Variants in THAP4 observed in about 807,000 individuals in gnomAD.
THAP4 encodes THAP domain containing 4.
A neutral mutation model predicts 48.1 loss-of-function variants in THAP4; 18 were observed. The ratio of observed to expected loss-of-function variants is 0.37; its 90% confidence interval spans 0.26 to 0.56. The LOEUF (loss-of-function observed/expected upper bound fraction) is 0.56. THAP4 is among the 20% of genes least tolerant of loss of function. The pLI is 0.78. For missense variants in THAP4, 656 were observed against 774.9 expected (o/e 0.85, Z 1.82); for synonymous variants, 345 against 324.9 (o/e 1.06, Z -0.66).
intron 5 of THAP4, among the ~76,000 whole-genome samples, chr2:241,586,615 T>A (rs1039824657): frequency 6.6e-6 from 1 of 151,770 alleles, no homozygotes; most frequent in African/African-American, 2.4e-5. Context: ...AATACTGGAG[T>A]TATTAGAAGA....
chr2:241,585,057 A>G, intron 5 of THAP4: 1 of 259,986 alleles, frequency 3.8e-6, no homozygotes, highest in South Asian at 5.3e-5. Context: ...TGGATGGGAG[A>G]AGTCACCTTT....
At chr2:241,591,940 A>G (rs1364370646) in intron 5 of THAP4, 1 of 152,248 alleles carries the variant, frequency 6.6e-6, no homozygotes, top group African/African-American at 2.4e-5. Context: ...ATAATCACAG[A>G]CCGAAAAAGC....
intron 3 of THAP4, among the ~76,000 whole-genome samples, chr2:241,604,930 G>A (rs888038376): frequency 2.2e-4 from 33 of 152,050 alleles, no homozygotes; most frequent in East Asian, 1.2e-3. Context: ...ACATAACCCC[G>A]ACAAAGAAAT....
At chr2:241,586,739 A>G (rs1410042015) in intron 5 of THAP4, among the ~76,000 whole-genome samples, 1 of 152,210 alleles carries the variant, frequency 6.6e-6, no homozygotes, top group Non-Finnish European at 1.5e-5. Flanking sequence ...AAATAGACAA[A>G]TTAGACACAG....
chr2:241,584,442 T>G lies in THAP4; in HGVS notation c.*164A>C. On this transcript the variant is annotated 3_prime_UTR_variant, in exon 6 of 6. Transcript: ENST00000407315. The stretch of plus-strand genomic sequence containing the variant: ...TCCTCAGCCATAAAAATAAAGGCCT[T>G]TTATTTGGTTTTTCTATGCCAGTAC... 4.5e-6 allele frequency: 3 copies of G among 671,032 alleles called. No individual in the cohort carries two copies. The highest frequency in any genetic ancestry group is 7.6e-6 in the Non-Finnish European group (3 of 395,486). The allele number at this position is 671,032 out of a possible 1,614,324, so 41.6% of individuals were successfully genotyped here. A position where few individuals can be genotyped will look rare whatever the true frequency, so the allele number is the denominator to read the frequency against.
rs2067113280 is a variant in THAP4, at chr2:241,601,560, A to G, written c.1614+336T>C. Among the ~76,000 whole-genome samples the G allele has an allele frequency of 1.3e-5, 2 of 152,174 alleles. No individual in the cohort carries two copies. Among genetic ancestry groups the G allele is most frequent in the Admixed American group, 1.3e-4 (2 of 15,278 alleles). ...ATCTAACAGTGTGTATCAAATTTAA[A>G]ATGTACCTGTCCTTTGATCCAGCAA... On this transcript the variant is annotated intron_variant, in intron 5 of 5. Coordinates refer to ENST00000407315, the MANE Select transcript of THAP4 (RefSeq NM_015963.6). This position sits in a 1 kb window ranked among gnomAD's most constrained non-coding sequence, Gnocchi z 4.0.
intron 3 of THAP4, 107 bp from the exon 4 acceptor site, chr2:241,603,186 CCACACCCGCA>C: frequency 1.2e-6 from 1 of 816,296 alleles, no homozygotes; most frequent in Non-Finnish European, 2.1e-6. Context: ...GCTGCTCCAG[CCACACCCGCA>C]CACCTGTCTG....
intron 5 of THAP4, among the ~76,000 whole-genome samples, chr2:241,598,863 T>C (rs1199131761): frequency 6.6e-6 from 1 of 151,670 alleles, no homozygotes; most frequent in Non-Finnish European, 1.5e-5. Flanking sequence ...CTTGGCATAC[T>C]AGAAACTGAA....
chr2:241,637,389 G>A, upstream of THAP4: 9 of 1,421,292 alleles, frequency 6.3e-6, no homozygotes, highest in Non-Finnish European at 7.4e-6. Context: ...GACGGGGACA[G>A]AGCTCGCCTC....
At chr2:241,626,259 G>A (rs2067495002) in intron 2 of THAP4, among the ~76,000 whole-genome samples, 1 of 152,092 alleles carries the variant, frequency 6.6e-6, no homozygotes, top group Non-Finnish European at 1.5e-5. Flanking sequence ...TGGCCAACAT[G>A]GTGAAATCCC....
chr2:241,597,661 G>A (rs1210642935), intron 5 of THAP4, among the ~76,000 whole-genome samples: 1 of 152,172 alleles, frequency 6.6e-6, no homozygotes, highest in African/African-American at 2.4e-5. Flanking sequence ...CTTGCCTCCT[G>A]CTCTCCTTCT....
chr2:241,634,558 G>A (rs575882356), intron 1 of THAP4, among the ~76,000 whole-genome samples: 5 of 152,358 alleles, frequency 3.3e-5, no homozygotes, highest in South Asian at 2.1e-4. Context: ...CTGGCTGTGC[G>A]CAAGCAGCTG....
chr2:241,630,462 A>G (rs1473068879), intron 2 of THAP4, among the ~76,000 whole-genome samples: 1 of 152,214 alleles, frequency 6.6e-6, no homozygotes, highest in Non-Finnish European at 1.5e-5. Flanking sequence ...TTTAACCAAG[A>G]GGAACAGAGA....
Position 241,632,856 on chromosome 2 carries a change from C to G in THAP4, c.1240+61G>C. The stretch of plus-strand genomic sequence containing the variant: ...GAAATGCTCAGGGGACGCTGGCCAC[C>G]TTGCAGAGAAACCCCTCCTAACGGG... On this transcript the variant is annotated intron_variant, in intron 2 of 5. Transcript: ENST00000407315. 5 of 1,375,762 alleles carry G rather than the reference C, an allele frequency of 3.6e-6. No homozygotes were observed. The South Asian group carries it at 7.2e-5, about 20-fold the overall frequency. 85.2% of individuals were successfully genotyped at this position (1,375,762 alleles called of 1,614,324 possible).
intron 5 of THAP4, among the ~76,000 whole-genome samples, chr2:241,585,907 C>A: frequency 2.2e-5 from 2 of 89,976 alleles, no homozygotes; most frequent in African/African-American, 8.9e-5. Context: ...AGCAAGACTC[C>A]TTCTCAAAAA....
intron 2 of THAP4, among the ~76,000 whole-genome samples, chr2:241,607,911 A>T (rs2067206266): frequency 9.3e-6 from 1 of 107,756 alleles, no homozygotes. Context: ...GCTGACGGGG[A>T]CAGGATCAGG....
chr2:241,595,676 A>G (rs1282275094), intron 5 of THAP4, among the ~76,000 whole-genome samples: 2 of 151,868 alleles, frequency 1.3e-5, no homozygotes, highest in Admixed American at 1.3e-4. Flanking sequence ...AGACATGCTG[A>G]GTGACAGGTA....
chr2:241,621,139 G>A (rs1264722740), intron 2 of THAP4, among the ~76,000 whole-genome samples: 1 of 152,130 alleles, frequency 6.6e-6, no homozygotes, highest in Non-Finnish European at 1.5e-5. Flanking sequence ...CTTGAGGTCA[G>A]GAGTTCGAGA....
chr2:241,602,729 G>A (rs1362994791), intron 4 of THAP4, among the ~76,000 whole-genome samples: 1 of 152,196 alleles, frequency 6.6e-6, no homozygotes, highest in Non-Finnish European at 1.5e-5. Flanking sequence ...CGTGGCACTG[G>A]GTAAACGGGC....
Sources: allele counts gnomAD v4.1 joint callset (sites outside exome capture counted in the v4.1 genomes callset), GRCh38; gene constraint gnomAD v4.1.1; non-coding constraint Gnocchi (gnomAD v3.1); transcripts MANE v1.5; gene names NCBI Gene and HGNC (gene_info 2026-07-23, HGNC 2026-07-21).